The following KLHL1 variants were observed in gnomAD, a reference collection of about 807,000 sequenced individuals.
KLHL1 encodes the protein kelch like family member 1.
KLHL1 carries 47 observed loss-of-function variants against 77.7 expected under a neutral mutation model. The observed-to-expected ratio is 0.60, with a 90% confidence interval of 0.48 to 0.77. KLHL1 has a LOEUF of 0.77. Among genes scored for constraint, KLHL1 ranks in the 30% least tolerant of loss-of-function variants. The pLI, the probability that KLHL1 is intolerant of heterozygous loss-of-function variation, is 0.00. For missense variants in KLHL1, 925 were observed against 910.8 expected (o/e 1.02, Z -0.20); for synonymous variants, 360 against 325.2 (o/e 1.11, Z -1.15).
At chr13:69,772,887 C>T (rs1279770293) in intron 7 of KLHL1, among the ~76,000 whole-genome samples, 1 of 152,002 alleles carries the variant, frequency 6.6e-6, no homozygotes. Context: ...AAACAAAGCA[C>T]TAGAGTGTTT....
intron 4 of KLHL1, among the ~76,000 whole-genome samples, chr13:69,885,334 G>A (rs1168088181): frequency 5.9e-5 from 9 of 151,954 alleles, no homozygotes; most frequent in African/African-American, 7.3e-5. Flanking sequence ...AACCAGCGGC[G>A]TTGTTTGTAC....
At chr13:70,084,373 C>G (rs1257915543) in intron 1 of KLHL1, among the ~76,000 whole-genome samples, 2 of 151,936 alleles carry the variant, frequency 1.3e-5, no homozygotes, top group Non-Finnish European at 2.9e-5. Context: ...ACTTATGTCT[C>G]CAAGCACAAA....
At chr13:69,896,903 C>T (rs1566376087) in intron 4 of KLHL1, among the ~76,000 whole-genome samples, 1 of 152,134 alleles carries the variant, frequency 6.6e-6, no homozygotes, top group South Asian at 2.1e-4. Flanking sequence ...GACTCCTGAC[C>T]TCATGATCCG....
rs143322981 is a variant in KLHL1, at chr13:69,899,244, G to A, written c.1015-16749C>T. ...ACTATCCATTTCTAATGGGGTGAGG[G>A]CAAGCAAATCCAGGTGGTTGTGCAA... On this transcript the variant is annotated intron_variant, in intron 4 of 10. Transcript: ENST00000377844. Among the ~76,000 whole-genome samples, 27 of 152,274 alleles carry A rather than the reference G, an allele frequency of 1.8e-4. No individual in the cohort carries two copies. In the East Asian group the frequency reaches 5.0e-3, roughly 28 times the overall value.
chr13:69,924,415 C>A (rs755528445), intron 4 of KLHL1, among the ~76,000 whole-genome samples: 1 of 152,078 alleles, frequency 6.6e-6, no homozygotes, highest in Non-Finnish European at 1.5e-5. Flanking sequence ...CAGCCAGACT[C>A]GAGAGTCATT....
chr13:70,024,456 T>C (rs1447517750), intron 1 of KLHL1, among the ~76,000 whole-genome samples: 2 of 151,974 alleles, frequency 1.3e-5, no homozygotes, highest in Non-Finnish European at 2.9e-5. Context: ...CGAGTGCTGT[T>C]ATTTTTTTCT....
Position 69,795,881 on chromosome 13 carries a change from T to G in KLHL1, c.1639+857A>C, listed in dbSNP as rs74922877. Among the ~76,000 whole-genome samples, 920 of 152,320 alleles carry G rather than the reference T, an allele frequency of 6.0e-3. 8 individuals carry two copies. Among genetic ancestry groups the G allele is most frequent in the African/African-American group, 0.02 (836 of 41,578 alleles). Reference sequence around the variant, plus strand: ...CTCTTTCTCTAAACGTTTATTGTCCTCTTCCCCACAGATTTTTCAAGGTGG... The same window carrying G: ...CTCTTTCTCTAAACGTTTATTGTCCGCTTCCCCACAGATTTTTCAAGGTGG... On this transcript the variant is annotated intron_variant, in intron 7 of 10. Coordinates refer to ENST00000377844, the MANE Select transcript of KLHL1 (RefSeq NM_020866.3).
chr13:69,922,772 T>C (rs910847734), intron 4 of KLHL1, among the ~76,000 whole-genome samples: 1 of 152,000 alleles, frequency 6.6e-6, no homozygotes, highest in African/African-American at 2.4e-5. Flanking sequence ...AGTTTCACCA[T>C]TGAAAGAGAA....
At chr13:69,761,148 A>G (rs1875001384) in intron 7 of KLHL1, among the ~76,000 whole-genome samples, 1 of 152,248 alleles carries the variant, frequency 6.6e-6, no homozygotes, top group East Asian at 1.9e-4. Context: ...TGAACAGAGA[A>G]CAATATAAGA....
intron 9 of KLHL1, among the ~76,000 whole-genome samples, chr13:69,716,935 C>T (rs1872787801): frequency 6.6e-6 from 1 of 151,992 alleles, no homozygotes; most frequent in Admixed American, 6.6e-5. Flanking sequence ...ATTTTTCCAC[C>T]AAGATGCTCT....
chr13:69,949,132 T>C (rs1424159014), intron 3 of KLHL1, among the ~76,000 whole-genome samples: 2 of 151,978 alleles, frequency 1.3e-5, no homozygotes, highest in African/African-American at 4.8e-5. Flanking sequence ...ATATACGTGT[T>C]ATATTAATGA....
intron 4 of KLHL1, 94 bp from the exon 5 acceptor site, chr13:69,882,589 G>T: frequency 1.3e-6 from 1 of 784,170 alleles, no homozygotes. Context: ...AATATCCTTT[G>T]TTCTTATTAT....
chr13:69,780,702 G>GTATATATATATA (rs1491418114), intron 7 of KLHL1, among the ~76,000 whole-genome samples: 1 of 47,202 alleles, frequency 2.1e-5, no homozygotes, highest in Admixed American at 2.3e-4. Context: ...ATATATATAT[G>GTATATATATATA]TATATATATA....
In KLHL1 at chr13:69,996,910, A is replaced by ATTTT. The variant is rs10549532; in HGVS notation, c.498-21112_498-21109dup. 1.8e-3 allele frequency among the ~76,000 whole-genome samples: 127 copies of ATTTT among 71,226 alleles called. 4 individuals carry two copies. Among genetic ancestry groups the ATTTT allele is most frequent in the African/African-American group, 5.6e-3 (99 of 17,756 alleles). The allele number at this position is 71,226 out of a possible 152,430, so 46.7% of individuals were successfully genotyped here. The stretch of plus-strand genomic sequence containing the variant: ...GAAAAGTTCTTATTTTATTCATTAA[A>ATTTT]TTTTTTTTTTTTTTTTTTTTTTTTT... On this transcript the variant is annotated intron_variant, in intron 1 of 10. Coordinates refer to ENST00000377844, the MANE Select transcript of KLHL1 (RefSeq NM_020866.3).
At chr13:69,738,822 C>T (rs777395548) in intron 8 of KLHL1, among the ~76,000 whole-genome samples, 3 of 152,226 alleles carry the variant, frequency 2.0e-5, no homozygotes, top group East Asian at 3.9e-4. Flanking sequence ...AGTTGGAAAA[C>T]GCACTTCAGG....
intron 4 of KLHL1, among the ~76,000 whole-genome samples, chr13:69,913,742 A>G (rs1882322616): frequency 6.6e-6 from 1 of 152,060 alleles, no homozygotes; most frequent in Non-Finnish European, 1.5e-5. Flanking sequence ...TATTTACACT[A>G]CTCTTTTTAT....
At chr13:70,094,158 T>C (rs935003621) in intron 1 of KLHL1, among the ~76,000 whole-genome samples, 1 of 151,868 alleles carries the variant, frequency 6.6e-6, no homozygotes, top group African/African-American at 2.4e-5. Context: ...TCTTAAAGCA[T>C]CCAGAAACAT....
Position 69,839,000 on chromosome 13 carries a change from C to G in KLHL1, c.1390G>C (p.Val464Leu), listed in dbSNP as rs751182951. 1.2e-6 allele frequency: 2 copies of G among 1,607,958 alleles called. No individual in the cohort carries two copies. Among genetic ancestry groups the G allele is most frequent in the South Asian group, 2.2e-5 (2 of 90,020 alleles). ...RKSTVGTLYA[V>L]GGMDNNKGAT... ...CCTTTGTTGTTATCCATTCCTCCTA[C>G]AGCATACAAAGTTCCGACTGTAGAT... The change falls in exon 6 of 11, where the codon GTA (valine) becomes CTA (leucine). Residue 464 changes from valine (V) to leucine (L), a missense_variant. Physicochemically the swap from Val to Leu is conservative, Grantham distance 32. Transcript: ENST00000377844.
intron 1 of KLHL1, among the ~76,000 whole-genome samples, chr13:69,994,235 A>C (rs1228070099): frequency 6.6e-6 from 1 of 152,198 alleles, no homozygotes; most frequent in Non-Finnish European, 1.5e-5. Flanking sequence ...CAAGATCATA[A>C]AATTATGCTA....
Sources: gnomAD v4.1 joint callset for allele counts (sites outside exome capture counted in the v4.1 genomes callset) on GRCh38, gnomAD v4.1.1 for gene constraint, MANE v1.5 for transcripts, NCBI Gene and HGNC (gene_info 2026-07-23, HGNC 2026-07-21) for gene names.